The following FEZ1 variants were observed in gnomAD, a reference collection of about 807,000 sequenced individuals.
FEZ1 encodes the protein fasciculation and elongation protein zeta-1.
Under a neutral mutation model 49.3 loss-of-function variants are expected in FEZ1, and 20 were observed. The ratio of observed to expected loss-of-function variants is 0.41; its 90% CI spans 0.29 to 0.59. The LOEUF is 0.59. Ranked by LOEUF, FEZ1 falls within the 20% of genes least tolerant of loss-of-function variation. The pLI is 0.36. For missense variants in FEZ1, 413 were observed against 476.0 expected (o/e 0.87, Z 1.23); for synonymous variants, 170 against 180.9 (o/e 0.94, Z 0.48).
chr11:125,448,035 T>C (rs568281388), intron 9 of FEZ1, among the ~76,000 whole-genome samples: 4 of 152,322 alleles, frequency 2.6e-5, no homozygotes, highest in African/African-American at 7.2e-5. Flanking sequence ...TTAATAACTG[T>C]TGATGCCAGC....
At chr11:125,493,315 CAAGAGCGAAACTCCATCTCAAGA>C (rs1957401189) in intron 1 of FEZ1, among the ~76,000 whole-genome samples, 1 of 141,126 alleles carries the variant, frequency 7.1e-6, no homozygotes, top group Non-Finnish European at 1.5e-5. Context: ...GCCTGGGCAA[CAAGAGCGAAACTCCATCTCAAGA>C]AAGAAAGAAA....
rs187591805 is a variant in FEZ1, at chr11:125,477,008, T to C, written c.411+4526A>G. 1.3e-4 allele frequency among the ~76,000 whole-genome samples: 20 copies of C among 152,280 alleles called. No individual in the cohort carries two copies. The East Asian group carries it at 3.7e-3, about 28-fold the overall frequency. On this transcript the variant is annotated intron_variant, in intron 3 of 9. Coordinates refer to ENST00000278919, the MANE Select transcript of FEZ1 (RefSeq NM_005103.5). ...GCAGCTGTGCAGCTGATCTAGCGAA[T>C]GACCAGACCAGTTTGTAGCAGAAAG...
In FEZ1 at chr11:125,490,021, G is replaced by C. The variant is rs568832885; in HGVS notation, c.-45-199C>G. Among the ~76,000 whole-genome samples, 30 of 152,228 alleles carry C rather than the reference G, an allele frequency of 2.0e-4. No homozygotes were observed. The South Asian group carries it at 5.8e-3, about 29-fold the overall frequency. ...TGTGACCTTGGGCAAGTGATTAATT[G>C]CTCTGTGCTTCTTATTCTTCTCAAG... On this transcript the variant is annotated intron_variant, in intron 1 of 9. Transcript: ENST00000278919.
intron 3 of FEZ1, among the ~76,000 whole-genome samples, chr11:125,470,149 T>G (rs923340806): frequency 1.3e-5 from 2 of 152,190 alleles, no homozygotes; most frequent in African/African-American, 4.8e-5. Context: ...AAACCTCTTC[T>G]AAGAAACTGC....
chr11:125,492,918 T>C (rs1010441290), intron 1 of FEZ1, among the ~76,000 whole-genome samples: 6 of 147,898 alleles, frequency 4.1e-5, no homozygotes, highest in Middle Eastern at 3.5e-3. Flanking sequence ...TAGTGAGCTA[T>C]GATCACACTA....
chr11:125,448,715 T>C, intron 8 of FEZ1, 148 bp from the exon 9 acceptor site: 3 of 615,298 alleles, frequency 4.9e-6, no homozygotes, highest in South Asian at 3.9e-5. Context: ...TCTAGAAGGC[T>C]CTATCAGGGG....
rs1301082863 is a variant in FEZ1, at chr11:125,456,080, G to T, written c.694C>A (p.Leu232Met). The T allele has an allele frequency of 1.2e-6, 2 of 1,605,818 alleles. No homozygotes were observed. The highest frequency in any genetic ancestry group is 1.3e-5 in the African/African-American group (1 of 74,676). Reference sequence around the variant, plus strand: ...TCCACCTGGTCCAGCAGCTCGGTCAGCTCAGACCCAGACATGTGCCTCAGC... The same window carrying T: ...TCCACCTGGTCCAGCAGCTCGGTCATCTCAGACCCAGACATGTGCCTCAGC... ...EGLRHMSGSE[L>M]TELLDQVEGA... Residue 232 changes from leucine (L) to methionine (M), a missense_variant, in exon 6 of 10, where the codon CTG becomes ATG. Coordinates refer to ENST00000278919, the MANE Select transcript of FEZ1 (RefSeq NM_005103.5).
At chr11:125,492,255 C>T (rs1216555933) in intron 1 of FEZ1, among the ~76,000 whole-genome samples, 1 of 152,246 alleles carries the variant, frequency 6.6e-6, no homozygotes, top group African/African-American at 2.4e-5. Context: ...AGGGACAACA[C>T]AGCTCTAAAG....
intron 5 of FEZ1, 113 bp downstream of exon 5, chr11:125,460,385 G>T: frequency 1.2e-6 from 1 of 854,424 alleles, no homozygotes. Flanking sequence ...GATCTGCAAG[G>T]CTCTGCTCTG....
chr11:125,493,834 A>G (rs1157205524), intron 1 of FEZ1, among the ~76,000 whole-genome samples: 1 of 152,214 alleles, frequency 6.6e-6, no homozygotes, highest in Non-Finnish European at 1.5e-5. Context: ...GCAGATGGTG[A>G]CACCAGTGGG....
chr11:125,453,825 T>G (rs1202435970), intron 7 of FEZ1: 9 of 213,978 alleles, frequency 4.2e-5, no homozygotes. Flanking sequence ...TATCATCAAA[T>G]GGACTCCCTC....
At chr11:125,493,750 G>A (rs74523204) in intron 1 of FEZ1, among the ~76,000 whole-genome samples, 4,176 of 152,268 alleles carry the variant, frequency 0.027, 174 homozygotes, top group African/African-American at 0.092. Flanking sequence ...AGATATGAAA[G>A]CCAATCCGAT....
chr11:125,450,609 AAG>A (rs1956945647), intron 8 of FEZ1, among the ~76,000 whole-genome samples: 1 of 152,256 alleles, frequency 6.6e-6, no homozygotes, highest in African/African-American at 2.4e-5. Flanking sequence ...TCTGCCAAAA[AAG>A]AGAGGCTTCA....
In FEZ1 at chr11:125,495,122, C is replaced by G. The variant is rs1957444988; in HGVS notation, c.-46+999G>C. ...CAACCCCTTCGCGGTTCTGCTTGCT[C>G]CCCTCCCCCTCCTCCCGCTGCTCCA... On this transcript the variant is annotated intron_variant, in intron 1 of 9. Coordinates refer to ENST00000278919, the MANE Select transcript of FEZ1 (RefSeq NM_005103.5). This position sits in a 1 kb window ranked among gnomAD's most constrained non-coding sequence, Gnocchi z 4.2. 8.6e-6 allele frequency: 3 copies of G among 349,888 alleles called. No homozygotes were observed. The allele number at this position is 349,888 out of a possible 1,614,324, so 21.7% of individuals were successfully genotyped here. A position where few individuals can be genotyped will look rare whatever the true frequency, so the allele number is the denominator to read the frequency against.
chr11:125,458,235 C>T (rs754534071), intron 5 of FEZ1, among the ~76,000 whole-genome samples: 1 of 152,238 alleles, frequency 6.6e-6, no homozygotes, highest in Non-Finnish European at 1.5e-5. Context: ...GACCAACCCA[C>T]CTTCTCCCTC....
intron 3 of FEZ1, among the ~76,000 whole-genome samples, chr11:125,480,232 C>T (rs12279676): frequency 5.9e-5 from 9 of 152,096 alleles, no homozygotes; most frequent in East Asian, 5.8e-4. Flanking sequence ...AAAAATTAGC[C>T]GGGCATGGTG....
At chr11:125,460,380 G>T (rs948119353) in intron 5 of FEZ1, 118 bp downstream of exon 5, 42 of 809,810 alleles carry the variant, frequency 5.2e-5, no homozygotes, top group Non-Finnish European at 7.6e-5. Context: ...ACCTAGATCT[G>T]CAAGGCTCTG....
At chr11:125,493,438 G>GA (rs1957413521) in intron 1 of FEZ1, among the ~76,000 whole-genome samples, 1 of 40,208 alleles carries the variant, frequency 2.5e-5, no homozygotes, top group Admixed American at 2.4e-4. Flanking sequence ...AAGAAGGAAA[G>GA]AAGGAAAGAA....
intron 8 of FEZ1, among the ~76,000 whole-genome samples, chr11:125,449,489 G>A (rs1207707394): frequency 3.1e-5 from 4 of 127,852 alleles, no homozygotes; most frequent in Non-Finnish European, 6.5e-5. Flanking sequence ...ATATGTACAA[G>A]ACATAGTTAT....
Sources: gnomAD v4.1 joint callset for allele counts (sites outside exome capture counted in the v4.1 genomes callset) on GRCh38, gnomAD v4.1.1 for gene constraint, Gnocchi (gnomAD v3.1) non-coding constraint, MANE v1.5 for transcripts, NCBI Gene and HGNC (gene_info 2026-07-23, HGNC 2026-07-21) for gene names.